FOXP1: variants seen among roughly 807,000 people sequenced by gnomAD.
FOXP1 encodes the protein forkhead box protein P1.
A neutral mutation model predicts 98.2 loss-of-function variants in FOXP1; 15 were observed. That is an observed-to-expected ratio of 0.15 (90% confidence interval 0.10 to 0.24). FOXP1 has a LOEUF of 0.24. Among genes scored for constraint, FOXP1 ranks in the 10% least tolerant of loss-of-function variants. FOXP1 has a pLI of 1.00. For missense variants in FOXP1, 633 were observed against 848.5 expected (o/e 0.75, Z 3.15); for synonymous variants, 371 against 314.5 (o/e 1.18, Z -1.90).
intron 6 of FOXP1, among the ~76,000 whole-genome samples, chr3:71,192,968 T>G (rs1268482291): frequency 1.3e-5 from 2 of 151,994 alleles, no homozygotes. Flanking sequence ...TATTTCTTTA[T>G]GCTGAAAAGA....
At chr3:71,021,748 T>C (rs1202266228) in intron 11 of FOXP1, among the ~76,000 whole-genome samples, 1 of 152,226 alleles carries the variant, frequency 6.6e-6, no homozygotes, top group Non-Finnish European at 1.5e-5. Context: ...CTTATTGTGC[T>C]TTTGATTGAA....
chr3:71,422,449 G>A (rs970072676), intron 3 of FOXP1, among the ~76,000 whole-genome samples: 97 of 152,278 alleles, frequency 6.4e-4, no homozygotes, highest in African/African-American at 2.0e-3. Context: ...AGGTGATGCC[G>A]CGGCTGCTCG....
rs1041121745 is a variant in FOXP1, at chr3:71,052,407, A to C, written c.510+130T>G. On this transcript the variant is annotated intron_variant, in intron 9 of 20. Transcript: ENST00000649528. Reference sequence around the variant, plus strand: ...GAGTGAAAACAGGACAATAATTCTCAGTCTGAAAGCTGAGAACCGATAGAG... The same window carrying C: ...GAGTGAAAACAGGACAATAATTCTCCGTCTGAAAGCTGAGAACCGATAGAG... The C allele has an allele frequency of 5.5e-6, 4 of 725,548 alleles. No individual in the cohort carries two copies. The African/African-American group carries it at 7.0e-5, about 13-fold the overall frequency. 44.9% of individuals were successfully genotyped at this position (725,548 alleles called of 1,614,324 possible). A position where few individuals can be genotyped will look rare whatever the true frequency, so the allele number is the denominator to read the frequency against.
intron 3 of FOXP1, among the ~76,000 whole-genome samples, chr3:71,450,106 T>G (rs975584303): frequency 6.6e-6 from 1 of 152,172 alleles, no homozygotes; most frequent in African/African-American, 2.4e-5. Flanking sequence ...TCTAAATACA[T>G]AAGACATTAG....
chr3:71,402,265 G>C lies in FOXP1; in HGVS notation c.-167-43021C>G, dbSNP rs1467143361. ...AGCACAGAAGTTTGAGACCAGCCTG[G>C]GCAACATGGCAAAACCCCATCTCTA... On this transcript the variant is annotated intron_variant, in intron 3 of 20. Transcript: ENST00000649528. Among the ~76,000 whole-genome samples the C allele has an allele frequency of 2.0e-5, 3 of 152,096 alleles. No homozygotes were observed. In the East Asian group the frequency reaches 5.8e-4, roughly 29 times the overall value.
At chr3:71,262,633 T>C (rs2069268791) in intron 5 of FOXP1, among the ~76,000 whole-genome samples, 1 of 152,150 alleles carries the variant, frequency 6.6e-6, no homozygotes, top group Non-Finnish European at 1.5e-5. Context: ...AAACAAATCA[T>C]TCCCCTCATT....
At chr3:71,523,076 G>T (rs2043110645) in intron 2 of FOXP1, among the ~76,000 whole-genome samples, 1 of 152,102 alleles carries the variant, frequency 6.6e-6, no homozygotes, top group African/African-American at 2.4e-5. Context: ...CAATATGACT[G>T]GTGTCTGTAA....
At chr3:71,582,686 C>G (rs1457496773) in intron 1 of FOXP1, 1 of 985,290 alleles carries the variant, frequency 1.0e-6, no homozygotes, top group African/African-American at 1.7e-5. Flanking sequence ...GCGCATCCGG[C>G]TCCCGCACCC....
At chr3:71,088,902 C>T (rs1288659312) in intron 7 of FOXP1, among the ~76,000 whole-genome samples, 3 of 152,174 alleles carry the variant, frequency 2.0e-5, no homozygotes, top group African/African-American at 7.2e-5. Flanking sequence ...TTAGTACAGG[C>T]AAATCTTTTA....
chr3:71,449,318 A>G (rs1560502996), intron 3 of FOXP1, among the ~76,000 whole-genome samples: 1 of 152,172 alleles, frequency 6.6e-6, no homozygotes, highest in Non-Finnish European at 1.5e-5. Context: ...TTGACAGCAA[A>G]TGCCTCCTTA....
At chr3:70,962,009 C>T (rs1475660152) in intron 20 of FOXP1, among the ~76,000 whole-genome samples, 1 of 152,204 alleles carries the variant, frequency 6.6e-6, no homozygotes, top group African/African-American at 2.4e-5. Flanking sequence ...AAATACCCTA[C>T]ATTCTTTTAG....
At chr3:71,061,856 G>C (rs1392942971) in intron 7 of FOXP1, among the ~76,000 whole-genome samples, 1 of 152,154 alleles carries the variant, frequency 6.6e-6, no homozygotes, top group Admixed American at 6.5e-5. Flanking sequence ...TCAAATGTTA[G>C]TACAGACTGA....
intron 13 of FOXP1, among the ~76,000 whole-genome samples, chr3:70,989,229 C>G (rs1184239438): frequency 6.6e-6 from 1 of 151,748 alleles, no homozygotes; most frequent in Non-Finnish European, 1.5e-5. Context: ...GGAAACCGTA[C>G]AAAAGGGAGA....
chr3:71,357,231 A>G (rs2078223771), intron 4 of FOXP1, among the ~76,000 whole-genome samples: 1 of 152,198 alleles, frequency 6.6e-6, no homozygotes, highest in Non-Finnish European at 1.5e-5. Context: ...CAGGAAGGAA[A>G]ACCCACTAGA....
intron 7 of FOXP1, among the ~76,000 whole-genome samples, chr3:71,090,765 G>C (rs1171907586): frequency 3.3e-5 from 5 of 152,096 alleles, no homozygotes; most frequent in Non-Finnish European, 7.4e-5. Flanking sequence ...CTGCACAGAA[G>C]ACCTACAGAA....
intron 6 of FOXP1, among the ~76,000 whole-genome samples, chr3:71,145,932 G>A (rs986627924): frequency 6.6e-6 from 1 of 152,222 alleles, no homozygotes; most frequent in African/African-American, 2.4e-5. Context: ...TTTTCTTACA[G>A]TCAGTAGCTT....
At chr3:71,257,476 T>C (rs1218413920) in intron 5 of FOXP1, among the ~76,000 whole-genome samples, 1 of 151,528 alleles carries the variant, frequency 6.6e-6, no homozygotes, top group Admixed American at 6.6e-5. Context: ...TCCCAGCTAC[T>C]TGGGAGGTTG....
intron 2 of FOXP1, among the ~76,000 whole-genome samples, chr3:71,537,627 G>T (rs1198142176): frequency 6.6e-6 from 1 of 152,188 alleles, no homozygotes. Flanking sequence ...ACCAGCCCTG[G>T]CAGCCAATAT....
intron 3 of FOXP1, among the ~76,000 whole-genome samples, chr3:71,440,320 C>T (rs56084070): frequency 0.032 from 4,820 of 151,256 alleles, 247 homozygotes; most frequent in African/African-American, 0.11. Flanking sequence ...AATCCCAGCA[C>T]TTTGAGAGGC....
Sources: gnomAD v4.1 joint callset for allele counts (sites outside exome capture counted in the v4.1 genomes callset) on GRCh38, gnomAD v4.1.1 for gene constraint, MANE v1.5 for transcripts, NCBI Gene and HGNC (gene_info 2026-07-23, HGNC 2026-07-21) for gene names.